The following CPNE8 variants were observed in gnomAD, a reference collection of about 807,000 sequenced individuals.
CPNE8 encodes copine 8.
CPNE8 carries 45 observed loss-of-function variants against 81.5 expected under a neutral mutation model. That is an observed-to-expected ratio of 0.55 (90% CI 0.44 to 0.71). The LOEUF is 0.71. Ranked by LOEUF, CPNE8 falls within the 30% of genes least tolerant of loss-of-function variation. The pLI is 0.00. For synonymous variants in CPNE8, 252 were observed against 226.3 expected (o/e 1.11, Z -1.02); for missense variants, 594 against 672.1 (o/e 0.88, Z 1.28).
At chr12:38,660,336 A>G (rs959134065) in intron 19 of CPNE8, among the ~76,000 whole-genome samples, 2 of 152,196 alleles carry the variant, frequency 1.3e-5, no homozygotes, top group Non-Finnish European at 2.9e-5. Flanking sequence ...CTGATCTTTG[A>G]CAAACCTGAC....
chr12:38,906,798 C>G (rs1271824732), upstream of CPNE8: 3 of 162,046 alleles, frequency 1.9e-5, no homozygotes, highest in East Asian at 1.9e-4. Flanking sequence ...CAGGCGGCGA[C>G]GGAGAACAGG....
chr12:38,724,960 A>G (rs1308677603), intron 11 of CPNE8, 61 bp from the exon 12 acceptor site: 7 of 1,371,944 alleles, frequency 5.1e-6, no homozygotes, highest in Non-Finnish European at 7.1e-6. Context: ...TTTATATTGA[A>G]TTTTTAAAAA....
intron 3 of CPNE8, among the ~76,000 whole-genome samples, chr12:38,852,089 T>G (rs557281642): frequency 6.6e-6 from 1 of 152,316 alleles, no homozygotes; most frequent in East Asian, 1.9e-4. Context: ...TCATAGCACC[T>G]GTCTTCCCCC....
chr12:38,854,244 C>T (rs1272164735), intron 3 of CPNE8, among the ~76,000 whole-genome samples: 1 of 151,792 alleles, frequency 6.6e-6, no homozygotes, highest in Non-Finnish European at 1.5e-5. Flanking sequence ...CATTCTCATA[C>T]TCTTCCTCTT....
At chr12:38,780,628 T>C (rs1942030892) in intron 6 of CPNE8, among the ~76,000 whole-genome samples, 1 of 151,968 alleles carries the variant, frequency 6.6e-6, no homozygotes. Flanking sequence ...GACAAAGATA[T>C]GATCTACAAA....
chr12:38,871,691 A>C (rs1943994309), intron 3 of CPNE8, among the ~76,000 whole-genome samples: 1 of 152,342 alleles, frequency 6.6e-6, no homozygotes, highest in South Asian at 2.1e-4. Flanking sequence ...AGTTATGAAG[A>C]TACGGGAGAG....
chr12:38,669,118 C>G (rs780386932), intron 19 of CPNE8, among the ~76,000 whole-genome samples: 12 of 151,978 alleles, frequency 7.9e-5, no homozygotes, highest in Non-Finnish European at 1.6e-4. Context: ...GACCATATCA[C>G]CAGGTTCTTT....
At chr12:38,838,070 G>A (rs1943415142) in intron 5 of CPNE8, among the ~76,000 whole-genome samples, 1 of 151,962 alleles carries the variant, frequency 6.6e-6, no homozygotes, top group African/African-American at 2.4e-5. Context: ...TGTACTTAAG[G>A]CAACTCCACT....
intron 3 of CPNE8, among the ~76,000 whole-genome samples, chr12:38,872,284 C>A (rs947212857): frequency 6.6e-6 from 1 of 152,184 alleles, no homozygotes; most frequent in Non-Finnish European, 1.5e-5. Flanking sequence ...TTGCCCTCTA[C>A]TCAAAATTGA....
At chr12:38,688,609 G>GTA (rs993392749) in intron 15 of CPNE8, among the ~76,000 whole-genome samples, 4 of 151,696 alleles carry the variant, frequency 2.6e-5, no homozygotes, top group African/African-American at 7.3e-5. Flanking sequence ...GTGTGTGTGT[G>GTA]TGTGTGTGTG....
upstream of CPNE8, chr12:38,906,500 A>C (rs1944573619): frequency 2.0e-6 from 2 of 985,476 alleles, no homozygotes; most frequent in Admixed American, 6.2e-5. Flanking sequence ...GAAAGTTCTG[A>C]CCTGAAAATG....
intron 3 of CPNE8, among the ~76,000 whole-genome samples, chr12:38,856,511 A>G (rs1943737516): frequency 6.6e-6 from 1 of 152,182 alleles, no homozygotes; most frequent in Admixed American, 6.5e-5. Flanking sequence ...ATCCTTGTCT[A>G]TAATCCTCAC....
chr12:38,699,561 C>A (rs919449896), intron 14 of CPNE8, among the ~76,000 whole-genome samples: 3 of 151,652 alleles, frequency 2.0e-5, no homozygotes, highest in Non-Finnish European at 4.4e-5. Flanking sequence ...TTTCCCCTAC[C>A]CTTCCTTCCT....
chr12:38,781,919 C>G (rs1288852234), intron 6 of CPNE8, among the ~76,000 whole-genome samples: 1 of 151,956 alleles, frequency 6.6e-6, no homozygotes, highest in African/African-American at 2.4e-5. Flanking sequence ...TCATACAAAA[C>G]AAGGAAAGAC....
At chr12:38,713,588 G>T (rs577699586) in intron 13 of CPNE8, among the ~76,000 whole-genome samples, 1 of 152,128 alleles carries the variant, frequency 6.6e-6, no homozygotes, top group South Asian at 2.1e-4. Context: ...AGTTCTATTT[G>T]TTCATTAGGT....
chr12:38,715,657 C>A (rs1441953156), intron 13 of CPNE8, among the ~76,000 whole-genome samples: 1 of 151,944 alleles, frequency 6.6e-6, no homozygotes, highest in Non-Finnish European at 1.5e-5. Flanking sequence ...GTAATAAAAG[C>A]CATATATGAC....
At chr12:38,821,628 A>G (rs1943111898) in intron 6 of CPNE8, among the ~76,000 whole-genome samples, 1 of 152,068 alleles carries the variant, frequency 6.6e-6, no homozygotes, top group Non-Finnish European at 1.5e-5. Flanking sequence ...AAACTCATTC[A>G]TTTTACCTAT....
chr12:38,679,576 A>G, intron 16 of CPNE8: 3 of 984,924 alleles, frequency 3.0e-6, no homozygotes, highest in Non-Finnish European at 3.6e-6. Flanking sequence ...AAAATCAATT[A>G]CATTTTACTT....
At chr12:38,859,845 A>T (rs1175814875) in intron 3 of CPNE8, among the ~76,000 whole-genome samples, 1 of 152,156 alleles carries the variant, frequency 6.6e-6, no homozygotes, top group Non-Finnish European at 1.5e-5. Flanking sequence ...TGTAGAAAAA[A>T]TTCAATATTC....
Sources: gnomAD v4.1 joint callset for allele counts (sites outside exome capture counted in the v4.1 genomes callset) on GRCh38, gnomAD v4.1.1 for gene constraint, MANE v1.5 for transcripts, NCBI Gene and HGNC (gene_info 2026-07-23, HGNC 2026-07-21) for gene names.